GBP3: variants seen among roughly 807,000 people sequenced by gnomAD.
GBP3 encodes guanylate binding protein 3.
A neutral mutation model predicts 62.4 loss-of-function variants in GBP3; 55 were observed. The observed-to-expected ratio is 0.88, with a 90% CI of 0.71 to 1.10. The LOEUF (loss-of-function observed/expected upper bound fraction) is 1.10, where lower values mean the gene tolerates loss of function less well. Ranked by LOEUF, GBP3 falls within the 50% of genes least tolerant of loss-of-function variation. The pLI is 0.00. For synonymous variants in GBP3, 208 were observed against 259.2 expected (o/e 0.80, Z 1.90); for missense variants, 605 against 690.6 (o/e 0.88, Z 1.39).
chr1:89,022,386 CA>C (rs1011672915), intron 1 of GBP3, among the ~76,000 whole-genome samples: 2 of 152,190 alleles, frequency 1.3e-5, no homozygotes, highest in African/African-American at 2.4e-5. Context: ...ACAATGTCAA[CA>C]AAGAGAAAGA....
chr1:89,018,004 G>A (rs549161931), intron 2 of GBP3, among the ~76,000 whole-genome samples: 71 of 151,998 alleles, frequency 4.7e-4, no homozygotes, highest in Non-Finnish European at 8.5e-4. Context: ...GCTTGAACCC[G>A]GGAGGTGGAG....
rs1678554476 is a variant in GBP3, at chr1:89,011,235, C to G, written c.1150-119G>C. On this transcript the variant is annotated intron_variant, in intron 7 of 10. Transcript: ENST00000370481. ...CAATGATGCCGGAGAAACTGACAGA[C>G]TCCTCAGCAGGACCACGCTCTTACT... 15 of 1,268,198 alleles carry G rather than the reference C, an allele frequency of 1.2e-5. 4 individuals carry two copies. Among genetic ancestry groups the G allele is most frequent in the Admixed American group, 2.0e-5 (1 of 48,852 alleles). The allele number at this position is 1,268,198 out of a possible 1,614,324, so 78.6% of individuals were successfully genotyped here. A position where few individuals can be genotyped will look rare whatever the true frequency, so the allele number is the denominator to read the frequency against.
At chr1:89,014,699 T>C (rs1316154905) in intron 3 of GBP3, 43 bp from the exon 4 acceptor site, 3 of 1,612,192 alleles carry the variant, frequency 1.9e-6, no homozygotes, top group Non-Finnish European at 1.7e-6. Context: ...AGTTTCATCA[T>C]CACAGCACTT....
At chr1:89,016,793 T>A (rs1289478840) in intron 2 of GBP3, among the ~76,000 whole-genome samples, 1 of 152,198 alleles carries the variant, frequency 6.6e-6, no homozygotes, top group Non-Finnish European at 1.5e-5. Flanking sequence ...CAAGTTGGTC[T>A]CAAATTCTTG....
chr1:89,018,560 A>G (rs1679009115), intron 2 of GBP3, among the ~76,000 whole-genome samples: 1 of 152,212 alleles, frequency 6.6e-6, no homozygotes, highest in South Asian at 2.1e-4. Flanking sequence ...GCTGATTAAT[A>G]TCTTGCTAAT....
At position 89,020,653 on chromosome 1, in the gene GBP3, C is replaced by T. The variant is rs761254529; in HGVS notation, c.69G>A (p.Ala23=). Residue 23 remains alanine, a synonymous_variant, in exon 2 of 11, where the codon GCG becomes GCA. Transcript: ENST00000370481. ...LIENTNGELV[A]NPEALKILSA... is the part of the protein sequence containing the mutation. ...ACAGGATTTTCAGAGCTTCTGGATT[C>T]GCCACCAGTTCCCCATTAGTGTTCT... 28 of 1,614,168 alleles carry T rather than the reference C, an allele frequency of 1.7e-5. No individual in the cohort carries two copies. The highest frequency in any genetic ancestry group is 2.2e-5 in the East Asian group (1 of 44,890).
At position 89,008,735 on chromosome 1, in the gene GBP3, C is replaced by T. The variant is rs78249535; in HGVS notation, c.1659+212G>A. On this transcript the variant is annotated intron_variant, in intron 10 of 10. Transcript: ENST00000370481. ...CCGTAAGTGGAAGGATACACTAAAA[C>T]GGGACTGAATGTGACACCCTGCAAA... The T allele has an allele frequency of 7.1e-5, 59 of 826,106 alleles. No homozygotes were observed. The East Asian group carries it at 1.1e-3, about 16-fold the overall frequency. The allele number at this position is 826,106 out of a possible 1,614,324, so 51.2% of individuals were successfully genotyped here.
chr1:89,010,895 C>A lies in GBP3; in HGVS notation c.1362+9G>T. 4.8e-6 allele frequency: 7 copies of A among 1,461,714 alleles called. 1 individual carries two copies. The highest frequency in any genetic ancestry group is 6.6e-6 in the Non-Finnish European group (7 of 1,054,990). The allele number at this position is 1,461,714 out of a possible 1,614,324, so 90.5% of individuals were successfully genotyped here. A position where few individuals can be genotyped will look rare whatever the true frequency, so the allele number is the denominator to read the frequency against. On this transcript the variant is annotated intron_variant, in intron 8 of 10. Transcript: ENST00000370481. ...AGGTTTCCATAATCGACAGATGAAT[C>A]TTGGTTACCTGTATCCCCTTCCTTG... is the stretch of plus-strand genomic sequence containing the variant.
chr1:89,018,151 C>A (rs1181551871), intron 2 of GBP3, among the ~76,000 whole-genome samples: 52 of 152,078 alleles, frequency 3.4e-4, no homozygotes, highest in Non-Finnish European at 2.1e-4. Flanking sequence ...AGATGAAATG[C>A]TCCTGATTAT....
Position 89,020,693 on chromosome 1 carries a change from G to A in GBP3, c.29C>T (p.Pro10Leu), listed in dbSNP as rs141315930. The change falls in exon 2 of 11, where the codon CCA becomes CTA. Residue 10 changes from proline to leucine, a missense_variant. By Grantham distance (98) the Pro-to-Leu change is moderately conservative (BLOSUM62 -3). Transcript: ENST00000370481. ...ATTAGTGTTCTCAATGAGGCACATTGGGCCTGTCATGTGGATCTCTGGAGC... is the reference window on the plus strand; with the variant it reads ...ATTAGTGTTCTCAATGAGGCACATTAGGCCTGTCATGTGGATCTCTGGAGC... MAPEIHMTG[P>L]MCLIENTNGE... 202 of 1,614,100 alleles carry A rather than the reference G, an allele frequency of 1.3e-4. No individual in the cohort carries two copies. In the Admixed American group the frequency reaches 1.3e-3, roughly 10 times the overall value.
intron 2 of GBP3, among the ~76,000 whole-genome samples, chr1:89,018,580 T>C (rs1210221369): frequency 6.6e-6 from 1 of 152,236 alleles, no homozygotes; most frequent in Non-Finnish European, 1.5e-5. Context: ...TCATAGGTTA[T>C]GAAAGACTGC....
chr1:89,008,774 AC>A (rs1557722453), intron 10 of GBP3, 172 bp downstream of exon 10: 4 of 1,253,946 alleles, frequency 3.2e-6, no homozygotes, highest in Non-Finnish European at 4.3e-6. Context: ...ACTTTTAGTG[AC>A]CACATGTAGG....
chr1:89,020,519 T>G lies in GBP3; in HGVS notation c.190+13A>C, dbSNP rs748459974. Reference sequence around the variant, plus strand: ...CAGAAGGGACTTGGCAGAGCTTTGCTCATGCCACTCACCCTTATTCTTCCC... The same window carrying G: ...CAGAAGGGACTTGGCAGAGCTTTGCGCATGCCACTCACCCTTATTCTTCCC... On this transcript the variant is annotated intron_variant, in intron 2 of 10. Coordinates refer to ENST00000370481, the MANE Select transcript of GBP3 (RefSeq NM_018284.3). The G allele has an allele frequency of 1.8e-5, 29 of 1,613,758 alleles. No individual in the cohort carries two copies. The highest frequency in any genetic ancestry group is 5.0e-5 in the Admixed American group (3 of 60,016).
intron 2 of GBP3, among the ~76,000 whole-genome samples, chr1:89,019,743 A>G (rs1426310902): frequency 2.6e-5 from 4 of 152,206 alleles, no homozygotes; most frequent in African/African-American, 4.8e-5. Flanking sequence ...TTGTGGCAGG[A>G]GATGGGTGTA....
chr1:89,017,235 G>T (rs555951000), intron 2 of GBP3, among the ~76,000 whole-genome samples: 92 of 151,542 alleles, frequency 6.1e-4, no homozygotes, highest in Non-Finnish European at 1.1e-3. Flanking sequence ...TTTCAACATG[G>T]ATGCTAAAAT....
intron 1 of GBP3, among the ~76,000 whole-genome samples, chr1:89,021,362 C>T (rs527772924): frequency 6.6e-6 from 1 of 152,230 alleles, no homozygotes; most frequent in Admixed American, 6.5e-5. Flanking sequence ...GGGACCTTTC[C>T]AAGGGCTTTG....
chr1:89,011,183 T>C, intron 7 of GBP3, 67 bp from the exon 8 acceptor site: 1 of 1,450,778 alleles, frequency 6.9e-7, no homozygotes, highest in South Asian at 1.2e-5. Flanking sequence ...CTCAGAATTT[T>C]GGGAAAGACT....
At chr1:89,010,416 G>A (rs954897040) in intron 8 of GBP3, among the ~76,000 whole-genome samples, 1 of 137,602 alleles carries the variant, frequency 7.3e-6, no homozygotes, top group Non-Finnish European at 1.7e-5. Flanking sequence ...CACTGCGCCC[G>A]GCCTAGTTAA....
chr1:89,020,831 G>T (rs1679148894), intron 1 of GBP3, 88 bp from the exon 2 acceptor site: 2 of 1,126,152 alleles, frequency 1.8e-6, no homozygotes, highest in Non-Finnish European at 1.3e-6. Context: ...ATGGCCAAAA[G>T]TTTTGTGTGT....
Sources: allele counts gnomAD v4.1 joint callset (sites outside exome capture counted in the v4.1 genomes callset), GRCh38; gene constraint gnomAD v4.1.1; transcripts MANE v1.5; gene names NCBI Gene and HGNC (gene_info 2026-07-23, HGNC 2026-07-21).